TXLNA: variants seen among roughly 807,000 people sequenced by gnomAD.
The protein encoded by TXLNA is alpha-taxilin.
In TXLNA, 9 loss-of-function variants were observed where a neutral mutation model predicts 61.4. The observed-to-expected ratio is 0.15, with a 90% CI of 0.09 to 0.26. The LOEUF is 0.26. Ranked by LOEUF, TXLNA falls within the 10% of genes least tolerant of loss-of-function variation. TXLNA has a pLI of 1.00. For synonymous variants in TXLNA, 257 were observed against 267.7 expected (o/e 0.96, Z 0.39); for missense variants, 565 against 688.8 (o/e 0.82, Z 2.01).
chr1:32,197,866 G>A lies in TXLNA; in HGVS notation c.*2671G>A, dbSNP rs1384068864. 2 of 152,182 alleles carry A rather than the reference G, an allele frequency of 1.3e-5. No individual in the cohort carries two copies. The highest frequency in any genetic ancestry group is 4.8e-5 in the African/African-American group (2 of 41,418). 9.4% of individuals were successfully genotyped at this position (152,182 alleles called of 1,614,324 possible). The stretch of plus-strand genomic sequence containing the variant: ...CCATGAGGTTATCGGACCATGGGCT[G>A]AGCTCAGGCACTTTCTGTAGGAGAC... On this transcript the variant is annotated 3_prime_UTR_variant, in exon 11 of 11. Transcript: ENST00000373610. The surrounding 1 kb of genome is among the most constrained non-coding windows in gnomAD (Gnocchi z 4.6).
chr1:32,181,820 T>G, intron 3 of TXLNA, among the ~76,000 whole-genome samples: 1 of 152,154 alleles, frequency 6.6e-6, no homozygotes, highest in Non-Finnish European at 1.5e-5. Flanking sequence ...TGTTCTCTCT[T>G]TGAGAAAATG....
In TXLNA at chr1:32,188,895, G is replaced by T. The variant is rs115091417; in HGVS notation, c.768+771G>T. Among the ~76,000 whole-genome samples, 1,443 of 152,330 alleles carry T rather than the reference G, an allele frequency of 9.5e-3. 18 individuals are homozygous for T. The highest frequency in any genetic ancestry group is 0.032 in the African/African-American group (1,328 of 41,576). ...AGTCAGGAACCTGGGTCCTTCCCAT[G>T]TTCTGCTGCTTCTATGGTGAGGTCA... On this transcript the variant is annotated intron_variant, in intron 5 of 10. Transcript: ENST00000373610.
rs1642880835 is a variant in TXLNA at position 32,190,397 on chromosome 1, CAT to C, written c.963+150_963+151del. 3 of 820,784 alleles carry C rather than the reference CAT, an allele frequency of 3.7e-6. No individual in the cohort carries two copies. In the South Asian group the frequency reaches 6.3e-5, roughly 17 times the overall value. The allele number at this position is 820,784 out of a possible 1,614,324, so 50.8% of individuals were successfully genotyped here. A position where few individuals can be genotyped will look rare whatever the true frequency, so the allele number is the denominator to read the frequency against. Reference sequence around the variant, plus strand: ...TTGGGAGGAGAGTAATGTTATTCCTCATAGATAAAAAACAGGTGTGGAGAAGA... The same window carrying C: ...TTGGGAGGAGAGTAATGTTATTCCTCAGATAAAAAACAGGTGTGGAGAAGA... On this transcript the variant is annotated intron_variant, in intron 6 of 10. Transcript: ENST00000373610.
intron 1 of TXLNA, chr1:32,180,079 C>G (rs1290546696): frequency 2.9e-6 from 1 of 349,842 alleles, no homozygotes; most frequent in East Asian, 5.2e-5. Context: ...CGGGAAGTGG[C>G]TCCAGGGAGA....
chr1:32,189,147 T>G (rs1642851120), intron 5 of TXLNA, among the ~76,000 whole-genome samples: 1 of 152,228 alleles, frequency 6.6e-6, no homozygotes, highest in African/African-American at 2.4e-5. Context: ...GGGGGTTGTT[T>G]ACAATTTTTC....
Position 32,195,649 on chromosome 1 carries a change from G to A in TXLNA, c.*454G>A, listed in dbSNP as rs986694789. 2 of 452,048 alleles carry A rather than the reference G, an allele frequency of 4.4e-6. No individual in the cohort carries two copies. The highest frequency in any genetic ancestry group is 1.4e-4 in the East Asian group (2 of 14,334). 28.0% of individuals were successfully genotyped at this position (452,048 alleles called of 1,614,324 possible). ...CTTGTGAGCAGGGCTTGCTTGGTCA[G>A]CTCAGGCCCTCCTAGCTGCTCTGGA... On this transcript the variant is annotated 3_prime_UTR_variant, in exon 11 of 11. Coordinates refer to ENST00000373610, the MANE Select transcript of TXLNA (RefSeq NM_175852.4).
chr1:32,197,039 G>A lies in TXLNA; in HGVS notation c.*1844G>A, dbSNP rs1228534690. 6.6e-6 allele frequency: 1 copy of A among 152,314 alleles called. No homozygotes were observed. The highest frequency in any genetic ancestry group is 1.5e-5 in the Non-Finnish European group (1 of 68,092). 9.4% of individuals were successfully genotyped at this position (152,314 alleles called of 1,614,324 possible). ...CTGAGATACTGCTGTCCTGTGAAGT[G>A]TTTCCCATGACCTTTTTCTTCCCCT... On this transcript the variant is annotated 3_prime_UTR_variant, in exon 11 of 11. Coordinates refer to ENST00000373610, the MANE Select transcript of TXLNA (RefSeq NM_175852.4). This position sits in a 1 kb window ranked among gnomAD's most constrained non-coding sequence, Gnocchi z 4.6.
Position 32,192,771 on chromosome 1 carries a change from C to T in TXLNA, c.1158+40C>T, listed in dbSNP as rs1424721023. On this transcript the variant is annotated intron_variant, in intron 8 of 10. Transcript: ENST00000373610. The surrounding 1 kb of genome is among the most constrained non-coding windows in gnomAD (Gnocchi z 4.2). ...CCTGACCCTGTGCCTTCAAGTTTCCCTCACTGGGCCCCATCCTGGGGGTAG... is the reference window on the plus strand; with the variant it reads ...CCTGACCCTGTGCCTTCAAGTTTCCTTCACTGGGCCCCATCCTGGGGGTAG... 14 of 1,604,038 alleles carry T rather than the reference C, an allele frequency of 8.7e-6. 1 individual carries two copies. In the African/African-American group the frequency reaches 1.2e-4, roughly 14 times the overall value.
Position 32,193,313 on chromosome 1 carries a change from C to G in TXLNA, c.1251+13C>G. On this transcript the variant is annotated intron_variant, in intron 9 of 10. Coordinates refer to ENST00000373610, the MANE Select transcript of TXLNA (RefSeq NM_175852.4). ...GGAGATGGAAAAGGTAACTGTGGTC[C>G]AGGCCAGGCATGGCTGCTGGGGCAT... 6.3e-7 allele frequency: 1 copy of G among 1,597,516 alleles called. No individual in the cohort carries two copies. The highest frequency in any genetic ancestry group is 8.6e-7 in the Non-Finnish European group (1 of 1,165,262).
intron 6 of TXLNA, among the ~76,000 whole-genome samples, chr1:32,191,986 G>T (rs1642916392): frequency 6.6e-6 from 1 of 152,386 alleles, no homozygotes; most frequent in Non-Finnish European, 1.5e-5. Flanking sequence ...GAGAATCAGG[G>T]ACACAGAAGT....
chr1:32,194,028 G>T, intron 9 of TXLNA, 37 bp from the exon 10 acceptor site: 2 of 1,571,944 alleles, frequency 1.3e-6, no homozygotes, highest in Admixed American at 1.7e-5. Context: ...GGAGAGGCCA[G>T]CTCTGACCAT....
intron 6 of TXLNA, among the ~76,000 whole-genome samples, chr1:32,191,133 G>A (rs1333788823): frequency 6.8e-6 from 1 of 147,356 alleles, no homozygotes; most frequent in Non-Finnish European, 1.5e-5. Flanking sequence ...CACTCCCTTT[G>A]TCACTGCGTT....
chr1:32,194,765 A>G (rs970518341), intron 10 of TXLNA, 137 bp from the exon 11 acceptor site: 27 of 1,053,458 alleles, frequency 2.6e-5, no homozygotes, highest in Admixed American at 9.4e-5. Context: ...CATGGCTTCA[A>G]CTAGGACTGT....
chr1:32,181,595 C>CT lies in TXLNA; in HGVS notation c.505+21dup. The stretch of plus-strand genomic sequence containing the variant: ...GGGTTTGGGTGAGCAGAGGGCGGCT[C>CT]TTTGTGAAGCTGGTGAGGAGAGGGA... On this transcript the variant is annotated intron_variant, in intron 3 of 10. Transcript: ENST00000373610. 2 of 1,505,496 alleles carry CT rather than the reference C, an allele frequency of 1.3e-6. No homozygotes were observed. Among genetic ancestry groups the CT allele is most frequent in the Non-Finnish European group, 1.8e-6 (2 of 1,123,910 alleles). 93.3% of individuals were successfully genotyped at this position (1,505,496 alleles called of 1,614,324 possible).
chr1:32,180,656 C>T (rs564502871), intron 2 of TXLNA, 142 bp downstream of exon 2: 2 of 1,127,962 alleles, frequency 1.8e-6, no homozygotes, highest in Non-Finnish European at 2.4e-6. Context: ...CGCGGTCCCC[C>T]CTGCGCTCTG....
At chr1:32,188,826 G>A (rs575660942) in intron 5 of TXLNA, among the ~76,000 whole-genome samples, 2 of 152,312 alleles carry the variant, frequency 1.3e-5, no homozygotes, top group African/African-American at 2.4e-5. Flanking sequence ...CCTGGTAAGC[G>A]GAGGCCTGGC....
At chr1:32,188,711 G>A (rs1642841871) in intron 5 of TXLNA, among the ~76,000 whole-genome samples, 1 of 152,042 alleles carries the variant, frequency 6.6e-6, no homozygotes, top group Non-Finnish European at 1.5e-5. Flanking sequence ...CGTTAAGAGA[G>A]TACTGCTTGT....
At chr1:32,188,455 G>A (rs898158461) in intron 5 of TXLNA, among the ~76,000 whole-genome samples, 1 of 152,032 alleles carries the variant, frequency 6.6e-6, no homozygotes, top group Non-Finnish European at 1.5e-5. Flanking sequence ...CCTGGTCAAC[G>A]CAGTGAAACC....
intron 5 of TXLNA, 152 bp from the exon 6 acceptor site, chr1:32,189,903 A>C (rs1035838495): frequency 1.3e-6 from 1 of 745,272 alleles, no homozygotes; most frequent in African/African-American, 1.8e-5. Context: ...AGAGGGGCCC[A>C]TTGGAACCCG....
Sources: allele counts gnomAD v4.1 joint callset (sites outside exome capture counted in the v4.1 genomes callset), GRCh38; gene constraint gnomAD v4.1.1; non-coding constraint Gnocchi (gnomAD v3.1); transcripts MANE v1.5; gene names NCBI Gene and HGNC (gene_info 2026-07-23, HGNC 2026-07-21).